The following MINDY4 variants were observed in gnomAD, a reference collection of about 807,000 sequenced individuals.
MINDY4 encodes the protein MINDY lysine 48 deubiquitinase 4.
Under a neutral mutation model 87.0 loss-of-function variants are expected in MINDY4, and 68 were observed. The ratio of observed to expected loss-of-function variants is 0.78; its 90% confidence interval spans 0.64 to 0.96. The LOEUF (loss-of-function observed/expected upper bound fraction) is 0.96, where lower values mean the gene tolerates loss of function less well. MINDY4 is among the 40% of genes least tolerant of loss of function. The probability of loss-of-function intolerance (pLI) is 0.00; values close to 1 mark genes in which losing one functional copy is unlikely to be tolerated. For missense variants in MINDY4, 919 were observed against 928.2 expected (o/e 0.99, Z 0.13); for synonymous variants, 379 against 363.2 (o/e 1.04, Z -0.50).
intron 16 of MINDY4, 43 bp downstream of exon 16, chr7:30,882,404 G>A: frequency 3.4e-6 from 4 of 1,170,870 alleles, no homozygotes; most frequent in Non-Finnish European, 4.3e-6. Flanking sequence ...CTGTCCCCAA[G>A]GAGCCTCCAG....
At chr7:30,881,573 C>T (rs1033795481) in intron 15 of MINDY4, among the ~76,000 whole-genome samples, 1 of 152,182 alleles carries the variant, frequency 6.6e-6, no homozygotes, top group Non-Finnish European at 1.5e-5. Flanking sequence ...ATTCACCCGA[C>T]ATTTACTTAC....
chr7:30,840,700 A>G, intron 8 of MINDY4, 60 bp from the exon 9 acceptor site: 1 of 1,549,390 alleles, frequency 6.5e-7, no homozygotes, highest in Non-Finnish European at 8.9e-7. Context: ...GGTTTGGGTG[A>G]AACCAAAAAC....
chr7:30,788,462 C>CA (rs1562530917), intron 4 of MINDY4, among the ~76,000 whole-genome samples: 1 of 152,016 alleles, frequency 6.6e-6, no homozygotes, highest in Non-Finnish European at 1.5e-5. Context: ...TCTCATTAGA[C>CA]AAAAAGAAAA....
At chr7:30,836,514 G>C in intron 6 of MINDY4, 144 bp from the exon 7 acceptor site, 1 of 688,590 alleles carries the variant, frequency 1.5e-6, no homozygotes. Flanking sequence ...TCAGAACAGA[G>C]CTGGGGTGAA....
chr7:30,833,825 T>A (rs1236754000), intron 6 of MINDY4, among the ~76,000 whole-genome samples: 1 of 152,240 alleles, frequency 6.6e-6, no homozygotes, highest in Non-Finnish European at 1.5e-5. Context: ...GCCCAGGCCC[T>A]ACGCAAGTCC....
chr7:30,870,611 A>G (rs1475347302), intron 13 of MINDY4, among the ~76,000 whole-genome samples: 1 of 152,230 alleles, frequency 6.6e-6, no homozygotes, highest in Non-Finnish European at 1.5e-5. Flanking sequence ...ATTAAAAACC[A>G]CAAGCAAGTG....
intron 15 of MINDY4, among the ~76,000 whole-genome samples, chr7:30,881,679 A>T (rs1396016010): frequency 6.6e-6 from 1 of 152,152 alleles, no homozygotes; most frequent in African/African-American, 2.4e-5. Flanking sequence ...GCTCCCTGGG[A>T]ACTGGAAGGA....
Position 30,850,442 on chromosome 7 carries a change from T to C in MINDY4, c.1446-12T>C, listed in dbSNP as rs1388995592. ...CACATGGGCATAAATGCCTTCCTTT[T>C]CTTGTCCGCAGGGGACTGCAGCCTT... is the stretch of plus-strand genomic sequence containing the variant. On this transcript the variant is annotated splice_polypyrimidine_tract_variant and intron_variant, in intron 9 of 17. Coordinates refer to ENST00000265299, the MANE Select transcript of MINDY4 (RefSeq NM_032222.3). The C allele has an allele frequency of 6.2e-7, 1 of 1,607,056 alleles. No homozygotes were observed. The highest frequency in any genetic ancestry group is 8.5e-7 in the Non-Finnish European group (1 of 1,176,698).
At chr7:30,864,592 C>T (rs1334374088) in intron 13 of MINDY4, among the ~76,000 whole-genome samples, 1 of 152,274 alleles carries the variant, frequency 6.6e-6, no homozygotes, top group Non-Finnish European at 1.5e-5. Flanking sequence ...GAGCCCTTCT[C>T]CAGCAGCTCC....
At chr7:30,821,730 C>G (rs543288430) in intron 5 of MINDY4, among the ~76,000 whole-genome samples, 2 of 151,078 alleles carry the variant, frequency 1.3e-5, no homozygotes, top group African/African-American at 4.9e-5. Context: ...CTCCATTTCT[C>G]TTATTTATTT....
At chr7:30,860,598 T>C (rs1047649770) in intron 13 of MINDY4, among the ~76,000 whole-genome samples, 2 of 152,012 alleles carry the variant, frequency 1.3e-5, no homozygotes, top group African/African-American at 4.8e-5. Context: ...CCAGGCTCAA[T>C]GATGCCAGTC....
chr7:30,872,251 A>G lies in MINDY4; in HGVS notation c.1754A>G (p.Gln585Arg), dbSNP rs1042693996. 6.2e-7 allele frequency: 1 copy of G among 1,614,040 alleles called. No homozygotes were observed. Among genetic ancestry groups the G allele is most frequent in the African/African-American group, 1.3e-5 (1 of 74,952 alleles). The change falls in exon 14 of 18, where the codon CAG becomes CGG. Residue 585 changes from glutamine (Q) to arginine (R), a missense_variant. Transcript: ENST00000265299. ...CTTCTTGTGTTTTCCAGCATCCGCC[A>G]GGACTTTGATGTCCCCACCAGCCAC... is the stretch of plus-strand genomic sequence containing the variant. ...ILSRSTELIR[Q>R]DFDVPTSHLI...
chr7:30,830,646 C>A (rs1379662944), intron 6 of MINDY4, among the ~76,000 whole-genome samples: 2 of 152,134 alleles, frequency 1.3e-5, no homozygotes, highest in Non-Finnish European at 2.9e-5. Context: ...GGTAACCGCC[C>A]CCATGATTCA....
At chr7:30,845,190 CAAGGGGTGGCTCTGTTCATGA>C (rs1351757669) in intron 9 of MINDY4, among the ~76,000 whole-genome samples, 2 of 152,138 alleles carry the variant, frequency 1.3e-5, no homozygotes, top group African/African-American at 4.8e-5. Context: ...TCCTAGGGAC[CAAGGGGTGGCTCTGTTCATGA>C]ACGGCTTCAC....
intron 7 of MINDY4, among the ~76,000 whole-genome samples, chr7:30,838,797 T>G (rs1198360001): frequency 2.0e-5 from 3 of 152,178 alleles, no homozygotes; most frequent in Non-Finnish European, 4.4e-5. Flanking sequence ...ACATCAAGAT[T>G]GTTTTTAGGA....
At chr7:30,886,812 T>C (rs1014876729) in intron 17 of MINDY4, among the ~76,000 whole-genome samples, 2 of 152,218 alleles carry the variant, frequency 1.3e-5, no homozygotes, top group South Asian at 2.1e-4. Flanking sequence ...TACCTTTGCT[T>C]GTGTCAGGAA....
intron 1 of MINDY4, among the ~76,000 whole-genome samples, chr7:30,776,566 C>T (rs186470227): frequency 3.2e-3 from 481 of 152,320 alleles, no homozygotes; most frequent in African/African-American, 0.011. Context: ...AGGACTGGGA[C>T]TTTCATCTGT....
intron 15 of MINDY4, among the ~76,000 whole-genome samples, chr7:30,881,942 G>A (rs751764290): frequency 9.9e-5 from 15 of 152,144 alleles, no homozygotes; most frequent in Admixed American, 1.3e-4. Flanking sequence ...GAGTGATACC[G>A]GGTCTCAGGT....
At chr7:30,884,025 C>G (rs1022771205) in intron 17 of MINDY4, among the ~76,000 whole-genome samples, 13 of 152,258 alleles carry the variant, frequency 8.5e-5, no homozygotes, top group African/African-American at 2.2e-4. Context: ...ATGACCTCAG[C>G]CACTCCTGAT....
Sources: allele counts gnomAD v4.1 joint callset (sites outside exome capture counted in the v4.1 genomes callset), GRCh38; gene constraint gnomAD v4.1.1; transcripts MANE v1.5; gene names NCBI Gene and HGNC (gene_info 2026-07-23, HGNC 2026-07-21).